Variants in FHIT observed in about 807,000 individuals in gnomAD.
FHIT encodes the protein fragile histidine triad diadenosine triphosphatase.
Under a neutral mutation model 17.9 loss-of-function variants are expected in FHIT, and 19 were observed. The ratio of observed to expected loss-of-function variants is 1.06; its 90% CI spans 0.74 to 1.56. The LOEUF is 1.56. FHIT is among the 40% of genes most tolerant of loss of function. The pLI, the probability that FHIT is intolerant of heterozygous loss-of-function variation, is 0.00. For synonymous variants in FHIT, 81 were observed against 69.7 expected, an observed-to-expected ratio of 1.16 and a Z score of -0.81; for missense variants, 248 against 189.2, an observed-to-expected ratio of 1.31 and a Z score of -1.82.
intron 4 of FHIT, among the ~76,000 whole-genome samples, chr3:60,797,799 T>C (rs1402515492): frequency 1.3e-4 from 20 of 151,728 alleles, no homozygotes; most frequent in Non-Finnish European, 2.5e-4. Context: ...TCCAGCTACA[T>C]TGAAATGTTT....
chr3:60,812,199 A>G (rs1210174158), intron 4 of FHIT, among the ~76,000 whole-genome samples: 4 of 148,574 alleles, frequency 2.7e-5, no homozygotes, highest in Non-Finnish European at 5.9e-5. Context: ...TTTGAGACAG[A>G]GTCTGGCTGT....
chr3:60,677,302 C>T (rs2040643674), intron 4 of FHIT, among the ~76,000 whole-genome samples: 1 of 152,168 alleles, frequency 6.6e-6, no homozygotes, highest in Non-Finnish European at 1.5e-5. Context: ...TACTACCTCA[C>T]TCCCCTCCCA....
chr3:61,042,428 G>A (rs897220300), intron 2 of FHIT, among the ~76,000 whole-genome samples: 6 of 151,910 alleles, frequency 3.9e-5, no homozygotes, highest in African/African-American at 9.7e-5. Flanking sequence ...GGTAAGTTGG[G>A]GTATAAAAGA....
chr3:61,135,329 G>A (rs909895063), intron 2 of FHIT, among the ~76,000 whole-genome samples: 8 of 152,208 alleles, frequency 5.3e-5, no homozygotes, highest in South Asian at 2.1e-4. Flanking sequence ...TAGAGAAGGC[G>A]TTGTACTCCT....
At chr3:61,156,535 T>C (rs562182760) in intron 2 of FHIT, among the ~76,000 whole-genome samples, 3 of 152,212 alleles carry the variant, frequency 2.0e-5, no homozygotes, top group Non-Finnish European at 4.4e-5. Flanking sequence ...TTTTGTCTGT[T>C]TGGTTTGCCA....
intron 4 of FHIT, among the ~76,000 whole-genome samples, chr3:60,807,762 C>CGTGGA (rs1340592614): frequency 6.6e-6 from 1 of 151,526 alleles, no homozygotes; most frequent in Non-Finnish European, 1.5e-5. Flanking sequence ...TTTCTGCTTT[C>CGTGGA]GTGGAGCTTA....
chr3:60,906,028 G>T (rs1211995466), intron 3 of FHIT, among the ~76,000 whole-genome samples: 1 of 152,048 alleles, frequency 6.6e-6, no homozygotes, highest in Admixed American at 6.6e-5. Context: ...ACCTAAACTT[G>T]CATACAGGCA....
chr3:59,753,567 G>A (rs1016952706), intron 8 of FHIT, among the ~76,000 whole-genome samples: 6 of 152,088 alleles, frequency 3.9e-5, no homozygotes, highest in South Asian at 2.1e-4. Context: ...CAGGTTATCC[G>A]TTCATTCTTC....
At chr3:61,236,984 GA>G (rs2040245278) in intron 1 of FHIT, among the ~76,000 whole-genome samples, 1 of 152,132 alleles carries the variant, frequency 6.6e-6, no homozygotes, top group Admixed American at 6.5e-5. Context: ...TAGAATTAAA[GA>G]TCAATGGAGA....
intron 4 of FHIT, among the ~76,000 whole-genome samples, chr3:60,563,983 G>T (rs1314358361): frequency 2.6e-5 from 4 of 152,186 alleles, no homozygotes; most frequent in African/African-American, 9.6e-5. Flanking sequence ...GGAAGGCGAT[G>T]CCATCAAGGA....
At chr3:61,148,575 A>G (rs912147431) in intron 2 of FHIT, among the ~76,000 whole-genome samples, 1 of 152,124 alleles carries the variant, frequency 6.6e-6, no homozygotes, top group Admixed American at 6.5e-5. Flanking sequence ...TTGTATGACT[A>G]TGTCACAATT....
intron 3 of FHIT, among the ~76,000 whole-genome samples, chr3:60,942,112 T>A (rs898532638): frequency 1.3e-5 from 2 of 152,086 alleles, no homozygotes; most frequent in African/African-American, 4.8e-5. Context: ...GCCTCCCGAG[T>A]AGCTGGATTA....
At chr3:61,093,174 T>C (rs925124016) in intron 2 of FHIT, among the ~76,000 whole-genome samples, 4 of 152,176 alleles carry the variant, frequency 2.6e-5, no homozygotes, top group Non-Finnish European at 4.4e-5. Flanking sequence ...ATATAATGCA[T>C]GGAAGGGTCT....
intron 3 of FHIT, among the ~76,000 whole-genome samples, chr3:60,937,433 T>C (rs1322666263): frequency 6.6e-6 from 1 of 152,140 alleles, no homozygotes; most frequent in African/African-American, 2.4e-5. Context: ...ATGTGTAGTT[T>C]GAACATTTGT....
chr3:60,682,725 A>G (rs1553697244), intron 4 of FHIT, among the ~76,000 whole-genome samples: 2 of 152,218 alleles, frequency 1.3e-5, no homozygotes, highest in Non-Finnish European at 2.9e-5. Context: ...TCCATTCTGC[A>G]GCCCATGGGT....
At chr3:60,041,840 G>C (rs1303124987) in intron 5 of FHIT, among the ~76,000 whole-genome samples, 5 of 152,070 alleles carry the variant, frequency 3.3e-5, no homozygotes, top group Admixed American at 6.6e-5. Context: ...AAATAAGGAG[G>C]TTTACCCATT....
intron 3 of FHIT, among the ~76,000 whole-genome samples, chr3:60,897,726 A>AT (rs1705903022): frequency 6.6e-6 from 1 of 151,950 alleles, no homozygotes; most frequent in Non-Finnish European, 1.5e-5. Flanking sequence ...CATCCCTTTC[A>AT]TTTTCCCTAA....
At chr3:61,218,908 A>G (rs1259590562) in intron 1 of FHIT, among the ~76,000 whole-genome samples, 1 of 152,198 alleles carries the variant, frequency 6.6e-6, no homozygotes, top group African/African-American at 2.4e-5. Context: ...CAGTCATTCA[A>G]TAAACACTCA....
chr3:60,411,775 C>T (rs1296757393), intron 5 of FHIT, among the ~76,000 whole-genome samples: 1 of 151,958 alleles, frequency 6.6e-6, no homozygotes, highest in Non-Finnish European at 1.5e-5. Context: ...GGACAAAATA[C>T]AAAAGATGTA....
Sources: allele counts gnomAD v4.1 joint callset (sites outside exome capture counted in the v4.1 genomes callset), GRCh38; gene constraint gnomAD v4.1.1; transcripts MANE v1.5; gene names NCBI Gene and HGNC (gene_info 2026-07-23, HGNC 2026-07-21).